The following DLGAP1 variants were observed in gnomAD, a reference collection of about 807,000 sequenced individuals.
DLGAP1 encodes disks large-associated protein 1.
In DLGAP1, 11 loss-of-function variants were observed where a neutral mutation model predicts 90.8. The observed-to-expected ratio is 0.12, with a 90% CI of 0.08 to 0.20. DLGAP1 has a LOEUF of 0.20. Ranked by LOEUF, DLGAP1 falls within the 10% of genes least tolerant of loss-of-function variation. DLGAP1 has a pLI of 1.00. For missense variants in DLGAP1, 1,050 were observed against 1,333.8 expected, an observed-to-expected ratio of 0.79 and a Z score of 3.31; for synonymous variants, 558 against 540.7, an observed-to-expected ratio of 1.03 and a Z score of -0.44.
chr18:3,846,207 G>C (rs776481941), intron 4 of DLGAP1, among the ~76,000 whole-genome samples: 5 of 152,066 alleles, frequency 3.3e-5, no homozygotes, highest in Admixed American at 3.3e-4. Flanking sequence ...AACCACATCA[G>C]CAAGATCACT....
Position 3,775,618 on chromosome 18 carries a change from G to A in DLGAP1, c.1173-33106C>T, listed in dbSNP as rs1466843948. 6.6e-6 allele frequency among the ~76,000 whole-genome samples: 1 copy of A among 152,132 alleles called. No individual in the cohort carries two copies. The highest frequency in any genetic ancestry group is 2.4e-5 in the African/African-American group (1 of 41,428). On this transcript the variant is annotated intron_variant, in intron 5 of 12. Transcript: ENST00000315677. This position sits in a 1 kb window ranked among gnomAD's most constrained non-coding sequence, Gnocchi z 4.9. ...ACCCTGTGTCAGGTAGTTCTTTATA[G>A]TAATGTGAGAACAAACTAATACATT... is the stretch of plus-strand genomic sequence containing the variant.
chr18:4,296,224 A>G (rs964163722), intron 1 of DLGAP1, among the ~76,000 whole-genome samples: 1 of 152,190 alleles, frequency 6.6e-6, no homozygotes, highest in Non-Finnish European at 1.5e-5. Flanking sequence ...TTTACCTTCT[A>G]GTAAACAGTA....
At chr18:4,233,472 G>A (rs897310361) in intron 1 of DLGAP1, among the ~76,000 whole-genome samples, 3 of 152,148 alleles carry the variant, frequency 2.0e-5, no homozygotes, top group Non-Finnish European at 4.4e-5. Flanking sequence ...TCAGAGGTGA[G>A]GTGCCTTCTC....
Position 3,729,365 on chromosome 18 carries a change from A to G in DLGAP1, c.1361T>C (p.Met454Thr), listed in dbSNP as rs35363140. ...AMSTISQVSE[M>T]EVNGQFESVC... ...GGACTCGAACTGCCCGTTCACTTCCATCTCGCTCACCTGCGGGCAGACACA... is the reference window on the plus strand; with the variant it reads ...GGACTCGAACTGCCCGTTCACTTCCGTCTCGCTCACCTGCGGGCAGACACA... Residue 454 changes from methionine to threonine, a missense_variant, in exon 7 of 13, where the codon ATG becomes ACG. Coordinates refer to ENST00000315677, the MANE Select transcript of DLGAP1 (RefSeq NM_004746.4). The surrounding 1 kb of genome is among the most constrained non-coding windows in gnomAD (Gnocchi z 6.2). The G allele has an allele frequency of 1.2e-6, 2 of 1,612,226 alleles. No individual in the cohort carries two copies. The highest frequency in any genetic ancestry group is 1.7e-6 in the Non-Finnish European group (2 of 1,178,562).
intron 2 of DLGAP1, among the ~76,000 whole-genome samples, chr18:4,141,491 G>T (rs920023709): frequency 1.3e-5 from 2 of 151,878 alleles, no homozygotes; most frequent in Non-Finnish European, 1.5e-5. Context: ...TCCACTAGGT[G>T]CTCATTAAGT....
chr18:3,529,267 C>T (rs149489013), intron 10 of DLGAP1, among the ~76,000 whole-genome samples: 7 of 152,306 alleles, frequency 4.6e-5, no homozygotes, highest in African/African-American at 1.4e-4. Flanking sequence ...TGTCTGCTGC[C>T]TCCATCGTGA....
chr18:4,219,356 GT>G lies in DLGAP1; in HGVS notation c.-266-68070del, dbSNP rs1171723269. ...GTTTTCTTGCCATTGAGTTGTTTGA[GT>G]TCCTTAAATATTTTGAATATTAGCC... On this transcript the variant is annotated intron_variant, in intron 1 of 12. Transcript: ENST00000315677. 3.3e-5 allele frequency among the ~76,000 whole-genome samples: 5 copies of G among 151,776 alleles called. No individual in the cohort carries two copies. The East Asian group carries it at 9.6e-4, about 29-fold the overall frequency.
chr18:4,028,964 G>T (rs539865421), intron 2 of DLGAP1, among the ~76,000 whole-genome samples: 4 of 152,186 alleles, frequency 2.6e-5, no homozygotes, highest in African/African-American at 9.6e-5. Flanking sequence ...GGCTCTTGAA[G>T]TCATTCCTCC....
intron 7 of DLGAP1, among the ~76,000 whole-genome samples, chr18:3,616,535 A>G (rs1003184991): frequency 2.6e-5 from 4 of 151,686 alleles, no homozygotes; most frequent in African/African-American, 9.7e-5. Context: ...GGATCCCTTG[A>G]GCCCAGGAGT....
intron 1 of DLGAP1, among the ~76,000 whole-genome samples, chr18:4,181,926 T>C (rs117862141): frequency 0.027 from 4,044 of 152,248 alleles, 72 homozygotes; most frequent in Non-Finnish European, 0.041. Flanking sequence ...AACATATGTA[T>C]TCCAATCTGT....
At chr18:3,613,512 G>T (rs1263820813) in intron 7 of DLGAP1, among the ~76,000 whole-genome samples, 4 of 151,938 alleles carry the variant, frequency 2.6e-5, no homozygotes, top group East Asian at 3.9e-4. Context: ...TTTTAATTTT[G>T]AATTTTGCAG....
At chr18:4,284,274 C>G (rs1488149627) in intron 1 of DLGAP1, among the ~76,000 whole-genome samples, 4 of 150,934 alleles carry the variant, frequency 2.7e-5, no homozygotes, top group Non-Finnish European at 4.4e-5. Flanking sequence ...GGTATAATGT[C>G]GGCTCTTCCT....
chr18:4,179,558 T>A (rs1324916249), intron 1 of DLGAP1, among the ~76,000 whole-genome samples: 1 of 152,178 alleles, frequency 6.6e-6, no homozygotes, highest in East Asian at 1.9e-4. Context: ...CATCATTCTA[T>A]GAGATGAGGA....
At chr18:3,874,091 A>G in intron 4 of DLGAP1, 1 of 1,545,322 alleles carries the variant, frequency 6.5e-7, no homozygotes, top group Non-Finnish European at 8.7e-7. Context: ...CTACCACAAA[A>G]ACCATCCAAA....
intron 5 of DLGAP1, among the ~76,000 whole-genome samples, chr18:3,764,649 G>A (rs1424007634): frequency 6.6e-6 from 1 of 152,066 alleles, no homozygotes; most frequent in Non-Finnish European, 1.5e-5. Flanking sequence ...TTAGAATTTT[G>A]CAAGACTCAT....
At chr18:3,792,218 C>T (rs2065768953) in intron 5 of DLGAP1, among the ~76,000 whole-genome samples, 1 of 152,206 alleles carries the variant, frequency 6.6e-6, no homozygotes. Context: ...CGATGGCTCA[C>T]ACCTGTAATC....
At chr18:4,265,562 CT>C (rs1221400353) in intron 1 of DLGAP1, among the ~76,000 whole-genome samples, 1 of 137,886 alleles carries the variant, frequency 7.3e-6, no homozygotes, top group African/African-American at 2.9e-5. Context: ...TCCTTCCTTC[CT>C]TTCCTTTCCT....
At position 3,712,716 on chromosome 18, in the gene DLGAP1, C is replaced by T. The variant is rs571579756; in HGVS notation, c.1591+16419G>A. Among the ~76,000 whole-genome samples, 46 of 152,260 alleles carry T rather than the reference C, an allele frequency of 3.0e-4. No individual in the cohort carries two copies. In the South Asian group the frequency reaches 4.1e-3, roughly 14 times the overall value. On this transcript the variant is annotated intron_variant, in intron 7 of 12. Transcript: ENST00000315677. ...TCATTCCTTGGCTTATTGCAGCTGA[C>T]GTCATGGGGCTTTCCCACAGTGCAT...
chr18:3,560,481 T>A (rs1293254645), intron 9 of DLGAP1, among the ~76,000 whole-genome samples: 1 of 142,404 alleles, frequency 7.0e-6, no homozygotes, highest in Non-Finnish European at 1.5e-5. Context: ...TCCCAGCCAC[T>A]CGGGAGGCTG....
Sources: gnomAD v4.1 joint callset for allele counts (sites outside exome capture counted in the v4.1 genomes callset) on GRCh38, gnomAD v4.1.1 for gene constraint, Gnocchi (gnomAD v3.1) non-coding constraint, MANE v1.5 for transcripts, NCBI Gene and HGNC (gene_info 2026-07-23, HGNC 2026-07-21) for gene names.